The following ANKRD26 variants were observed in gnomAD, a reference collection of about 807,000 sequenced individuals.
ANKRD26 encodes ankyrin repeat domain 26, also known as ankyrin repeat domain-containing protein 26.
Under a neutral mutation model 208.7 loss-of-function variants are expected in ANKRD26, and 141 were observed. That is an observed-to-expected ratio of 0.68 (90% confidence interval 0.59 to 0.78). The LOEUF (loss-of-function observed/expected upper bound fraction) is 0.78, where lower values mean the gene tolerates loss of function less well. ANKRD26 is among the 30% of genes least tolerant of loss of function. ANKRD26 has a pLI of 0.00. For synonymous variants in ANKRD26, 636 were observed against 660.4 expected, an observed-to-expected ratio of 0.96 and a Z score of 0.57; for missense variants, 1,889 against 1,938.7, an observed-to-expected ratio of 0.97 and a Z score of 0.48.
chr10:27,003,474 G>A (rs1449522877), downstream of ANKRD26, among the ~76,000 whole-genome samples: 1 of 152,226 alleles, frequency 6.6e-6, no homozygotes, highest in Non-Finnish European at 1.5e-5. Context: ...TCTTGTGGGT[G>A]AAGTTCTGAG....
chr10:27,044,203 A>T lies in ANKRD26; in HGVS notation c.1986-13T>A. On this transcript the variant is annotated splice_polypyrimidine_tract_variant and intron_variant, in intron 18 of 33. Transcript: ENST00000376087. ...TTTCTTAGTAGGCCTAAAAAAAAAAAATACCTTTCAGGCAAATAGTAAACA... is the reference window on the plus strand; with the variant it reads ...TTTCTTAGTAGGCCTAAAAAAAAAATATACCTTTCAGGCAAATAGTAAACA... 7.0e-7 allele frequency: 1 copy of T among 1,436,260 alleles called. No individual in the cohort carries two copies. The highest frequency in any genetic ancestry group is 9.5e-7 in the Non-Finnish European group (1 of 1,050,724). The allele number at this position is 1,436,260 out of a possible 1,614,324, so 89.0% of individuals were successfully genotyped here. A position where few individuals can be genotyped will look rare whatever the true frequency, so the allele number is the denominator to read the frequency against.
At chr10:26,955,901 C>G in the ANKRD26 span, among the ~76,000 whole-genome samples, 12 of 152,146 alleles carry the variant, frequency 7.9e-5, no homozygotes, top group East Asian at 2.1e-3. Flanking sequence ...ATCAAGAGTA[C>G]GTCTTGTAGC....
chr10:27,028,658 A>G (rs543715506), intron 27 of ANKRD26, among the ~76,000 whole-genome samples, 194 bp downstream of exon 27: 13 of 152,008 alleles, frequency 8.6e-5, no homozygotes, highest in African/African-American at 3.1e-4. Flanking sequence ...TGAAAAATCA[A>G]TGAATTTCAT....
chr10:26,959,772 G>A, the ANKRD26 span, among the ~76,000 whole-genome samples: 1 of 152,020 alleles, frequency 6.6e-6, no homozygotes, highest in Non-Finnish European at 1.5e-5. Context: ...GAGCCACTGG[G>A]CCTGACTTTG....
At chr10:27,019,495 A>G (rs568374581) in intron 29 of ANKRD26, among the ~76,000 whole-genome samples, 4 of 152,246 alleles carry the variant, frequency 2.6e-5, no homozygotes, top group African/African-American at 9.6e-5. Flanking sequence ...TTAGTGCACA[A>G]ACCAGAAGAT....
At chr10:27,052,723 T>C (rs1030620991) in intron 16 of ANKRD26, among the ~76,000 whole-genome samples, 1 of 152,166 alleles carries the variant, frequency 6.6e-6, no homozygotes, top group Admixed American at 6.5e-5. Context: ...AGAAAGTTAT[T>C]GTGTATATCC....
chr10:26,993,968 C>T (rs2052534393), intron 5 of ANKRD26, among the ~76,000 whole-genome samples: 1 of 152,216 alleles, frequency 6.6e-6, no homozygotes. Flanking sequence ...TTGTGAAATT[C>T]ATTTTAACTA....
chr10:27,043,601 C>T lies in ANKRD26; in HGVS notation c.2020-34G>A, dbSNP rs746694108. ...TAAATAACACTGTTTCAAAATGTCC[C>T]CAGAATATTTATAGCACATACAGAA... On this transcript the variant is annotated intron_variant, in intron 19 of 33. Coordinates refer to ENST00000376087, the MANE Select transcript of ANKRD26 (RefSeq NM_014915.3). 5.6e-6 allele frequency: 9 copies of T among 1,593,132 alleles called. No homozygotes were observed. The African/African-American group carries it at 1.1e-4, about 19-fold the overall frequency.
At chr10:27,024,144 T>C (rs1407104637) in intron 28 of ANKRD26, among the ~76,000 whole-genome samples, 1 of 151,968 alleles carries the variant, frequency 6.6e-6, no homozygotes, top group Non-Finnish European at 1.5e-5. Flanking sequence ...GAGAGAAAGA[T>C]TACCAAAGAA....
chr10:26,984,025 T>G (rs888891192), intron 3 of ANKRD26, among the ~76,000 whole-genome samples: 2 of 152,134 alleles, frequency 1.3e-5, no homozygotes, highest in Admixed American at 1.3e-4. Context: ...TAGAAACAGG[T>G]TTATTTCACG....
chr10:27,077,086 A>T (rs1380727810), intron 9 of ANKRD26: 5 of 511,480 alleles, frequency 9.8e-6, no homozygotes, highest in Non-Finnish European at 1.7e-5. Context: ...GAATATAGAT[A>T]CAAAAATCCT....
chr10:26,966,992 C>T, the ANKRD26 span, among the ~76,000 whole-genome samples: 3 of 152,290 alleles, frequency 2.0e-5, no homozygotes, highest in Admixed American at 6.5e-5. Flanking sequence ...ATATCCATCT[C>T]GTCTCTTTCA....
chr10:27,081,926 C>T (rs1370809344), intron 6 of ANKRD26, among the ~76,000 whole-genome samples: 1 of 151,752 alleles, frequency 6.6e-6, no homozygotes, highest in Non-Finnish European at 1.5e-5. Context: ...TTAGTAGAGA[C>T]AGGGTTTCAC....
chr10:27,000,850 A>G (rs2052706545), downstream of ANKRD26, among the ~76,000 whole-genome samples: 1 of 152,062 alleles, frequency 6.6e-6, no homozygotes, highest in Non-Finnish European at 1.5e-5. Flanking sequence ...CTAAAAATGC[A>G]AAATCAAAAT....
At chr10:27,010,157 T>A (rs532066331) in intron 32 of ANKRD26, among the ~76,000 whole-genome samples, 2 of 152,290 alleles carry the variant, frequency 1.3e-5, no homozygotes, top group East Asian at 3.9e-4. Flanking sequence ...TCAAAAAAAT[T>A]TTTTTAATGT....
At chr10:27,008,776 T>C (rs1467638886) in intron 32 of ANKRD26, among the ~76,000 whole-genome samples, 1 of 152,192 alleles carries the variant, frequency 6.6e-6, no homozygotes, top group Non-Finnish European at 1.5e-5. Flanking sequence ...TTGTTGCCTC[T>C]ATTCCAGCCC....
At chr10:27,046,256 A>T in intron 18 of ANKRD26, 97 bp downstream of exon 18, 1 of 1,219,890 alleles carries the variant, frequency 8.2e-7, no homozygotes, top group Non-Finnish European at 1.2e-6. Context: ...GAAACAGTCG[A>T]TATTCTCTAG....
At chr10:27,048,501 G>C (rs548637318) in intron 17 of ANKRD26, among the ~76,000 whole-genome samples, 1 of 152,152 alleles carries the variant, frequency 6.6e-6, no homozygotes, top group South Asian at 2.1e-4. Context: ...TTGAAATTTT[G>C]ATACATACTA....
At chr10:27,028,686 T>C (rs891592964) in intron 27 of ANKRD26, among the ~76,000 whole-genome samples, 166 bp downstream of exon 27, 2 of 151,894 alleles carry the variant, frequency 1.3e-5, no homozygotes. Flanking sequence ...TTGGGTCCTG[T>C]CTCCAAGATA....
Sources: gnomAD v4.1 joint callset for allele counts (sites outside exome capture counted in the v4.1 genomes callset) on GRCh38, gnomAD v4.1.1 for gene constraint, MANE v1.5 for transcripts, NCBI Gene and HGNC (gene_info 2026-07-23, HGNC 2026-07-21) for gene names.